MTUS1: variants seen among roughly 807,000 people sequenced by gnomAD.
MTUS1 encodes the protein microtubule associated scaffold protein 1, also known as microtubule-associated tumor suppressor 1.
MTUS1 carries 109 observed loss-of-function variants against 120.8 expected under a neutral mutation model. The observed-to-expected ratio is 0.90, with a 90% CI of 0.77 to 1.06. MTUS1 has a LOEUF of 1.06. MTUS1 is among the 50% of genes least tolerant of loss of function. MTUS1 has a pLI of 0.00. For missense variants in MTUS1, 2,210 were observed against 1,486.3 expected (o/e 1.49, Z -8.01); for synonymous variants, 737 against 550.5 (o/e 1.34, Z -4.74).
At chr8:17,702,654 C>T (rs1476463516) in intron 6 of MTUS1, among the ~76,000 whole-genome samples, 3 of 152,180 alleles carry the variant, frequency 2.0e-5, no homozygotes, top group Non-Finnish European at 4.4e-5. Context: ...GTTTATTTCA[C>T]TTAGCATAGT....
intron 2 of MTUS1, among the ~76,000 whole-genome samples, chr8:17,744,465 G>C (rs2047578018): frequency 1.3e-5 from 2 of 152,014 alleles, no homozygotes; most frequent in South Asian, 2.1e-4. Flanking sequence ...CTATCGCCCA[G>C]GCTGGAGTGT....
intron 4 of MTUS1, among the ~76,000 whole-genome samples, chr8:17,717,264 C>T (rs1239769174): frequency 6.6e-6 from 1 of 152,126 alleles, no homozygotes. Context: ...TCCTTTTTTC[C>T]AATTCTCACC....
chr8:17,765,678 CCACA>C (rs60406848), intron 1 of MTUS1, among the ~76,000 whole-genome samples: 5,852 of 130,104 alleles, frequency 0.045, 162 homozygotes, highest in African/African-American at 0.074. Flanking sequence ...AATACAGACA[CCACA>C]CACACACACA....
intron 3 of MTUS1, among the ~76,000 whole-genome samples, chr8:17,737,066 G>A (rs1013593595): frequency 6.6e-6 from 1 of 152,172 alleles, no homozygotes; most frequent in East Asian, 1.9e-4. Flanking sequence ...TCACACATAT[G>A]TGGTTTAATG....
At chr8:17,796,103 C>T (rs978174927) in intron 1 of MTUS1, among the ~76,000 whole-genome samples, 2 of 151,966 alleles carry the variant, frequency 1.3e-5, no homozygotes, top group African/African-American at 4.8e-5. Context: ...GCGCCCACCA[C>T]CACACCCAGC....
At chr8:17,759,633 T>C (rs908345805) in intron 1 of MTUS1, among the ~76,000 whole-genome samples, 3 of 138,554 alleles carry the variant, frequency 2.2e-5, no homozygotes, top group African/African-American at 7.6e-5. Context: ...TCTTTTTATA[T>C]ATTTATATAT....
Position 17,690,956 on chromosome 8 carries a change from C to T in MTUS1, c.2624-6414G>A, listed in dbSNP as rs573610832. The stretch of plus-strand genomic sequence containing the variant: ...CATATACTATTAATAAAATATTATT[C>T]TTAGCTCTGAAAGAGGCTTTAAAGC... On this transcript the variant is annotated intron_variant, in intron 6 of 14. Transcript: ENST00000693296. Among the ~76,000 whole-genome samples, 250 of 150,538 alleles carry T rather than the reference C, an allele frequency of 1.7e-3. 2 individuals carry two copies. The highest frequency in any genetic ancestry group is 3.9e-3 in the African/African-American group (160 of 40,960).
At chr8:17,678,101 C>A (rs1366344009) in intron 7 of MTUS1, among the ~76,000 whole-genome samples, 1 of 152,054 alleles carries the variant, frequency 6.6e-6, no homozygotes, top group Non-Finnish European at 1.5e-5. Context: ...AAATGCTGAC[C>A]CCAGTGCCCA....
chr8:17,666,079 C>A, intron 8 of MTUS1, among the ~76,000 whole-genome samples: 1 of 140,912 alleles, frequency 7.1e-6, no homozygotes, highest in Admixed American at 7.6e-5. Flanking sequence ...CAGCATGCTG[C>A]AGAACAGATG....
intron 6 of MTUS1, chr8:17,697,478 A>C (rs1301662845): frequency 6.8e-7 from 1 of 1,479,790 alleles, no homozygotes; most frequent in East Asian, 2.4e-5. Context: ...CAAGAAATAC[A>C]GTCAGAGGAA....
At chr8:17,723,862 C>T (rs2046013896) in intron 3 of MTUS1, 29 bp from the exon 4 acceptor site, 2 of 1,520,400 alleles carry the variant, frequency 1.3e-6, no homozygotes, top group African/African-American at 2.8e-5. Context: ...CAAAAAGTTT[C>T]CAGTGCTATT....
chr8:17,713,015 A>G (rs1405810102), intron 6 of MTUS1, among the ~76,000 whole-genome samples, 199 bp downstream of exon 6: 2 of 152,202 alleles, frequency 1.3e-5, no homozygotes, highest in African/African-American at 2.4e-5. Context: ...TAGTAATACA[A>G]TGTCCTTTCA....
At chr8:17,669,361 G>T (rs1811541668) in intron 8 of MTUS1, among the ~76,000 whole-genome samples, 1 of 152,192 alleles carries the variant, frequency 6.6e-6, no homozygotes, top group Non-Finnish European at 1.5e-5. Flanking sequence ...TGCAAAAGAT[G>T]TGGACAAGAG....
intron 1 of MTUS1, among the ~76,000 whole-genome samples, chr8:17,796,182 C>A (rs1036822688): frequency 6.6e-6 from 1 of 152,190 alleles, no homozygotes; most frequent in African/African-American, 2.4e-5. Flanking sequence ...AACTCCTGAC[C>A]TGAAGTGATC....
intron 3 of MTUS1, among the ~76,000 whole-genome samples, chr8:17,727,416 G>C (rs2046294070): frequency 6.6e-6 from 1 of 152,190 alleles, no homozygotes; most frequent in African/African-American, 2.4e-5. Context: ...TTAAAGAAAA[G>C]TATGAGGCTT....
chr8:17,792,523 AGAGT>A lies in MTUS1; in HGVS notation c.-155+8534_-155+8537del, dbSNP rs536371973. ...ACCCTACTCTTTTAAATTCAAATTA[AGAGT>A]AAGTAAATCCCTTTGCAGAGGTGCC... On this transcript the variant is annotated intron_variant, in intron 1 of 14. Transcript: ENST00000693296. 6.6e-5 allele frequency among the ~76,000 whole-genome samples: 10 copies of A among 152,356 alleles called. No individual in the cohort carries two copies. In the South Asian group the frequency reaches 1.9e-3, roughly 28 times the overall value.
At chr8:17,723,487 A>G in intron 4 of MTUS1, 185 bp downstream of exon 4, 3 of 671,734 alleles carry the variant, frequency 4.5e-6, no homozygotes, top group Non-Finnish European at 8.0e-6. Flanking sequence ...TTAACACATA[A>G]TTATTTCAAG....
chr8:17,732,635 A>C (rs2046665349), intron 3 of MTUS1, among the ~76,000 whole-genome samples: 1 of 152,146 alleles, frequency 6.6e-6, no homozygotes, highest in Non-Finnish European at 1.5e-5. Context: ...TTTCTACTCC[A>C]CATGGCCTCT....
chr8:17,704,926 T>G (rs1019634932), intron 6 of MTUS1, among the ~76,000 whole-genome samples: 1 of 152,218 alleles, frequency 6.6e-6, no homozygotes, highest in Admixed American at 6.5e-5. Context: ...ACACAGAGTA[T>G]GTGCTAATAT....
Sources: allele counts gnomAD v4.1 joint callset (sites outside exome capture counted in the v4.1 genomes callset), GRCh38; gene constraint gnomAD v4.1.1; transcripts MANE v1.5; gene names NCBI Gene and HGNC (gene_info 2026-07-23, HGNC 2026-07-21).